Variants in NXPE2 observed in about 807,000 individuals in gnomAD.
The protein encoded by NXPE2 is NXPE family member 2.
NXPE2 carries 34 observed loss-of-function variants against 34.4 expected under a neutral mutation model. The ratio of observed to expected loss-of-function variants is 0.99; its 90% CI spans 0.75 to 1.31. The LOEUF is 1.31. Ranked by LOEUF, NXPE2 falls within the 40% of genes most tolerant of loss-of-function variation. NXPE2 has a pLI of 0.00. For missense variants in NXPE2, 649 were observed against 672.5 expected, an observed-to-expected ratio of 0.97 and a Z score of 0.39; for synonymous variants, 235 against 231.3, an observed-to-expected ratio of 1.02 and a Z score of -0.15.
the NXPE2 span, among the ~76,000 whole-genome samples, chr11:114,545,508 A>G: frequency 4.6e-5 from 7 of 152,166 alleles, no homozygotes; most frequent in African/African-American, 1.7e-4. Context: ...GACATTCTGG[A>G]AAAAGGTGGT....
the NXPE2 span, among the ~76,000 whole-genome samples, chr11:114,772,621 C>G: frequency 2.0e-5 from 3 of 152,030 alleles, no homozygotes; most frequent in African/African-American, 7.2e-5. Context: ...TCAGGCCAAC[C>G]CAGCTCACTG....
At chr11:114,594,798 A>T in the NXPE2 span, 1 of 1,107,874 alleles carries the variant, frequency 9.0e-7, no homozygotes, top group South Asian at 1.4e-5. Context: ...AAACAAGCAC[A>T]AAAACATACA....
At chr11:114,713,797 T>C in the NXPE2 span, among the ~76,000 whole-genome samples, 49 of 152,314 alleles carry the variant, frequency 3.2e-4, no homozygotes, top group Non-Finnish European at 6.5e-4. Context: ...CAAGTCTTGC[T>C]GCACACATAG....
the NXPE2 span, among the ~76,000 whole-genome samples, chr11:114,601,406 T>A: frequency 7.2e-6 from 1 of 139,600 alleles, no homozygotes; most frequent in Non-Finnish European, 1.5e-5. Context: ...TCCGTGTTGC[T>A]GCAAAAGATG....
the NXPE2 span, among the ~76,000 whole-genome samples, chr11:114,750,715 A>C: frequency 6.6e-6 from 1 of 152,334 alleles, no homozygotes; most frequent in Non-Finnish European, 1.5e-5. Flanking sequence ...CATAGGTGAC[A>C]GTTTTACTAA....
chr11:114,548,809 G>A, the NXPE2 span, among the ~76,000 whole-genome samples: 1 of 151,526 alleles, frequency 6.6e-6, no homozygotes. Flanking sequence ...GAAGGTAAAA[G>A]CAAAAGTAAT....
chr11:114,622,821 T>A, the NXPE2 span, among the ~76,000 whole-genome samples: 1 of 152,118 alleles, frequency 6.6e-6, no homozygotes, highest in Non-Finnish European at 1.5e-5. Flanking sequence ...GGGTTACCAC[T>A]CTTACCCAGT....
chr11:114,526,476 G>A, the NXPE2 span: 1 of 65,806 alleles, frequency 1.5e-5, no homozygotes. Context: ...TTGTTAAATT[G>A]TGAATTTGCA....
At chr11:114,642,705 A>T in the NXPE2 span, among the ~76,000 whole-genome samples, 1 of 152,064 alleles carries the variant, frequency 6.6e-6, no homozygotes, top group Non-Finnish European at 1.5e-5. Context: ...GCTATTGTGA[A>T]TAGTACTGCA....
the NXPE2 span, among the ~76,000 whole-genome samples, chr11:114,798,546 G>A: frequency 6.6e-6 from 1 of 152,150 alleles, no homozygotes; most frequent in Non-Finnish European, 1.5e-5. Flanking sequence ...ACCATGCCTG[G>A]CTAATTTTTG....
At chr11:114,784,265 T>C in the NXPE2 span, among the ~76,000 whole-genome samples, 161 of 152,378 alleles carry the variant, frequency 1.1e-3, 3 homozygotes, top group African/African-American at 3.7e-3. Context: ...GCTCCATCTC[T>C]GTCCTGGGCT....
chr11:114,650,237 G>C, the NXPE2 span, among the ~76,000 whole-genome samples: 1 of 152,154 alleles, frequency 6.6e-6, no homozygotes, highest in Non-Finnish European at 1.5e-5. Context: ...ACAGGAAAAA[G>C]AGGAGAGAGC....
chr11:114,693,842 T>C (rs552805512), intron 2 of NXPE2, among the ~76,000 whole-genome samples: 1 of 152,330 alleles, frequency 6.6e-6, no homozygotes, highest in South Asian at 2.1e-4. Context: ...TATAACTATA[T>C]TGGTTTTCTA....
the NXPE2 span, among the ~76,000 whole-genome samples, chr11:114,639,346 C>A: frequency 6.6e-6 from 1 of 151,994 alleles, no homozygotes; most frequent in African/African-American, 2.4e-5. Flanking sequence ...GTGGGAGTGA[C>A]CCGATTTTCC....
chr11:114,632,538 TTA>T, the NXPE2 span, among the ~76,000 whole-genome samples: 1 of 120,318 alleles, frequency 8.3e-6, no homozygotes, highest in African/African-American at 3.2e-5. Flanking sequence ...TATATATTTA[TTA>T]TATATGTATA....
At chr11:114,809,922 A>G in the NXPE2 span, among the ~76,000 whole-genome samples, 138,682 of 143,970 alleles carry the variant, frequency 0.96, 67,060 homozygotes, top group Middle Eastern at 1. Flanking sequence ...GAGGCATCAC[A>G]CTACCTGACT....
At chr11:114,741,087 G>A in the NXPE2 span, among the ~76,000 whole-genome samples, 1 of 152,108 alleles carries the variant, frequency 6.6e-6, no homozygotes, top group African/African-American at 2.4e-5. Flanking sequence ...CAGATTTTCT[G>A]AGTACAGTAT....
chr11:114,633,378 G>A, the NXPE2 span, among the ~76,000 whole-genome samples: 20 of 140,490 alleles, frequency 1.4e-4, no homozygotes, highest in Admixed American at 1.1e-3. Context: ...AATATATTAT[G>A]TATTATATTA....
chr11:114,610,649 T>C, the NXPE2 span, among the ~76,000 whole-genome samples: 3 of 151,926 alleles, frequency 2.0e-5, no homozygotes, highest in Non-Finnish European at 4.4e-5. Context: ...GGGTAACCAC[T>C]GTTAACCGGT....
Sources: gnomAD v4.1 joint callset for allele counts (sites outside exome capture counted in the v4.1 genomes callset) on GRCh38, gnomAD v4.1.1 for gene constraint, MANE v1.5 for transcripts, NCBI Gene and HGNC (gene_info 2026-07-23, HGNC 2026-07-21) for gene names.